Variants in CDH2 observed in about 807,000 individuals in gnomAD.
The protein encoded by CDH2 is cadherin-2.
Under a neutral mutation model 92.0 loss-of-function variants are expected in CDH2, and 17 were observed. That is an observed-to-expected ratio of 0.18 (90% CI 0.13 to 0.28). CDH2 has a LOEUF of 0.28. Ranked by LOEUF, CDH2 falls within the 10% of genes least tolerant of loss-of-function variation. The pLI, the probability that CDH2 is intolerant of heterozygous loss-of-function variation, is 1.00. For missense variants in CDH2, 862 were observed against 1,133.1 expected (o/e 0.76, Z 3.44); for synonymous variants, 419 against 415.9 (o/e 1.01, Z -0.09).
At chr18:28,153,151 T>G (rs2016151685) in intron 1 of CDH2, among the ~76,000 whole-genome samples, 1 of 152,004 alleles carries the variant, frequency 6.6e-6, no homozygotes, top group South Asian at 2.1e-4. Flanking sequence ...TGATTAAAAA[T>G]TTGCCAGGAG....
At chr18:28,026,461 A>G (rs1189898487) in intron 2 of CDH2, among the ~76,000 whole-genome samples, 1 of 152,146 alleles carries the variant, frequency 6.6e-6, no homozygotes, top group East Asian at 1.9e-4. Context: ...ATAATTATAG[A>G]CAGCCTTCCA....
At chr18:28,001,484 A>C (rs2012764113) in intron 7 of CDH2, among the ~76,000 whole-genome samples, 1 of 152,224 alleles carries the variant, frequency 6.6e-6, no homozygotes, top group Non-Finnish European at 1.5e-5. Context: ...TGAAGAAAGA[A>C]TACTGAAAAT....
At chr18:28,117,698 G>C (rs1490217553) in intron 2 of CDH2, among the ~76,000 whole-genome samples, 1 of 152,130 alleles carries the variant, frequency 6.6e-6, no homozygotes, top group African/African-American at 2.4e-5. Flanking sequence ...TAAGACAAAA[G>C]TGGCCAGTAA....
rs547558092 is a variant in CDH2 at position 28,024,951 on chromosome 18, T to C, written c.173-11042A>G. ...AAAATTTACAAAATTAATAATTTTC[T>C]GATACCACACTAAAACAGTAAATGA... On this transcript the variant is annotated intron_variant, in intron 2 of 15. Coordinates refer to ENST00000269141, the MANE Select transcript of CDH2 (RefSeq NM_001792.5). Among the ~76,000 whole-genome samples, 34 of 152,306 alleles carry C rather than the reference T, an allele frequency of 2.2e-4. 1 individual carries two copies. Among genetic ancestry groups the C allele is most frequent in the African/African-American group, 4.8e-4 (20 of 41,580 alleles).
chr18:28,043,345 G>GGGTACAGTGTACACTGCTTGGGTGACA, intron 2 of CDH2, among the ~76,000 whole-genome samples: 2 of 150,804 alleles, frequency 1.3e-5, no homozygotes, highest in East Asian at 3.9e-4. Flanking sequence ...GTTACACACT[G>GGGTACAGTGTACACTGCTTGGGTGACA]GGTACAGTGT....
intron 1 of CDH2, among the ~76,000 whole-genome samples, chr18:28,153,312 C>T (rs989199984): frequency 8.5e-5 from 13 of 152,074 alleles, no homozygotes; most frequent in African/African-American, 3.1e-4. Flanking sequence ...CCTCTATTAT[C>T]TTTGCTGCTG....
intron 1 of CDH2, among the ~76,000 whole-genome samples, chr18:28,170,995 G>A (rs944874032): frequency 3.3e-5 from 5 of 151,436 alleles, no homozygotes; most frequent in Admixed American, 1.3e-4. Context: ...TCGGGAGGCC[G>A]AGGCAGGCGG....
At chr18:27,954,201 G>C (rs1391439692) in intron 15 of CDH2, among the ~76,000 whole-genome samples, 1 of 152,104 alleles carries the variant, frequency 6.6e-6, no homozygotes, top group Non-Finnish European at 1.5e-5. Context: ...CTTATTTTTA[G>C]ACTAAGCTAC....
At chr18:28,136,223 G>A (rs1206802138) in intron 2 of CDH2, among the ~76,000 whole-genome samples, 1 of 152,146 alleles carries the variant, frequency 6.6e-6, no homozygotes, top group Non-Finnish European at 1.5e-5. Flanking sequence ...GCCAGCTGAT[G>A]TCAGAAGAAA....
At chr18:28,019,824 A>G (rs2013359424) in intron 2 of CDH2, among the ~76,000 whole-genome samples, 1 of 152,164 alleles carries the variant, frequency 6.6e-6, no homozygotes, top group Non-Finnish European at 1.5e-5. Flanking sequence ...TTCAGGCTCT[A>G]TGGAATGTGG....
chr18:27,962,694 C>T (rs1219895026), intron 15 of CDH2, among the ~76,000 whole-genome samples: 1 of 152,188 alleles, frequency 6.6e-6, no homozygotes, highest in Non-Finnish European at 1.5e-5. Flanking sequence ...TGATCAGAAG[C>T]AGCAGCACAA....
chr18:28,023,469 G>A (rs750515232), intron 2 of CDH2, among the ~76,000 whole-genome samples: 3 of 150,740 alleles, frequency 2.0e-5, no homozygotes, highest in African/African-American at 7.3e-5. Context: ...GAGTACAGGC[G>A]TGCACCACCA....
intron 7 of CDH2, among the ~76,000 whole-genome samples, chr18:27,995,792 A>G (rs2012563024): frequency 6.6e-6 from 1 of 151,646 alleles, no homozygotes. Flanking sequence ...CCAAAGTACA[A>G]TATCTCTTCA....
At chr18:28,159,137 G>A (rs2016267098) in intron 1 of CDH2, 1 of 152,166 alleles carries the variant, frequency 6.6e-6, no homozygotes, top group Non-Finnish European at 1.5e-5. Context: ...AAGAGGGATG[G>A]ACCAAACTTA....
At chr18:27,935,318 G>A (rs1230845590) in intron 6 of CDH2, among the ~76,000 whole-genome samples, 2 of 152,172 alleles carry the variant, frequency 1.3e-5, no homozygotes, top group Non-Finnish European at 2.9e-5. Flanking sequence ...GCAGACACAT[G>A]TTCACATGGC....
chr18:28,116,345 T>C (rs1227671236), intron 2 of CDH2, among the ~76,000 whole-genome samples: 3 of 152,328 alleles, frequency 2.0e-5, no homozygotes, highest in Admixed American at 2.0e-4. Context: ...CCCAAGCATC[T>C]GTAACAACGA....
At chr18:28,136,866 G>A (rs1229726555) in intron 2 of CDH2, among the ~76,000 whole-genome samples, 1 of 152,052 alleles carries the variant, frequency 6.6e-6, no homozygotes, top group Non-Finnish European at 1.5e-5. Context: ...CATTTCTTAG[G>A]ACCCAGATCT....
At chr18:28,008,224 G>A (rs1192657413) in intron 5 of CDH2, among the ~76,000 whole-genome samples, 1 of 152,146 alleles carries the variant, frequency 6.6e-6, no homozygotes, top group East Asian at 1.9e-4. Flanking sequence ...TCTAAGTAGA[G>A]GCAGGTATAT....
At chr18:28,094,506 C>CA (rs1321706272) in intron 2 of CDH2, among the ~76,000 whole-genome samples, 18 of 147,030 alleles carry the variant, frequency 1.2e-4, no homozygotes, top group East Asian at 4.1e-4. Context: ...CAAAACAAAA[C>CA]AAAAAAAGCC....
Sources: allele counts gnomAD v4.1 joint callset (sites outside exome capture counted in the v4.1 genomes callset), GRCh38; gene constraint gnomAD v4.1.1; transcripts MANE v1.5; gene names NCBI Gene and HGNC (gene_info 2026-07-23, HGNC 2026-07-21).